SCOC: variants seen among roughly 807,000 people sequenced by gnomAD.
SCOC encodes short coiled coil protein.
Under a neutral mutation model 9.9 loss-of-function variants are expected in SCOC, and 7 were observed. That is an observed-to-expected ratio of 0.71 (90% CI 0.40 to 1.33). The LOEUF (loss-of-function observed/expected upper bound fraction) is 1.33. Ranked by LOEUF, SCOC falls within the 40% of genes most tolerant of loss-of-function variation. The pLI is 0.01. For missense variants in SCOC, 66 were observed against 89.7 expected, an observed-to-expected ratio of 0.74 and a Z score of 1.07; for synonymous variants, 19 against 28.2, an observed-to-expected ratio of 0.67 and a Z score of 1.03.
chr4:140,366,708 A>T, intron 2 of SCOC: 1 of 1,586,790 alleles, frequency 6.3e-7, no homozygotes, highest in Non-Finnish European at 8.6e-7. Flanking sequence ...TGCACTTGAA[A>T]GGCATGGTCT....
At chr4:140,364,287 T>C (rs1342859813) in intron 2 of SCOC, among the ~76,000 whole-genome samples, 1 of 152,130 alleles carries the variant, frequency 6.6e-6, no homozygotes, top group African/African-American at 2.4e-5. Context: ...AATTTAATGC[T>C]GGCAAAGGAT....
intron 2 of SCOC, among the ~76,000 whole-genome samples, chr4:140,362,076 C>T (rs547393165): frequency 8.1e-6 from 1 of 122,744 alleles, no homozygotes; most frequent in Admixed American, 8.1e-5. Context: ...ACAGACACAG[C>T]CCCTATCCCT....
chr4:140,266,721 C>T (rs1730734398), intron 1 of SCOC, among the ~76,000 whole-genome samples: 1 of 152,080 alleles, frequency 6.6e-6, no homozygotes, highest in Admixed American at 6.5e-5. Flanking sequence ...TTAAGTCTTT[C>T]AAAATTTAAT....
intron 1 of SCOC, among the ~76,000 whole-genome samples, chr4:140,262,344 T>A (rs1730650376): frequency 6.6e-6 from 1 of 152,234 alleles, no homozygotes; most frequent in Non-Finnish European, 1.5e-5. Flanking sequence ...ACATTGTGGA[T>A]TCTGATTGTG....
intron 1 of SCOC, among the ~76,000 whole-genome samples, chr4:140,292,023 T>G (rs1731488841): frequency 6.6e-6 from 1 of 152,038 alleles, no homozygotes; most frequent in African/African-American, 2.4e-5. Context: ...TGAATGATGA[T>G]GACTGTTTAT....
chr4:140,265,088 G>A (rs1370950393), intron 1 of SCOC, among the ~76,000 whole-genome samples: 1 of 152,092 alleles, frequency 6.6e-6, no homozygotes, highest in African/African-American at 2.4e-5. Context: ...ATCAGTTAGG[G>A]CATTGTGTTG....
At chr4:140,266,705 G>C (rs1327448420) in intron 1 of SCOC, among the ~76,000 whole-genome samples, 1 of 152,056 alleles carries the variant, frequency 6.6e-6, no homozygotes, top group African/African-American at 2.4e-5. Context: ...ACAAAATAAA[G>C]AGCCATTAAG....
At chr4:140,341,010 C>G (rs181271437), upstream of SCOC, among the ~76,000 whole-genome samples, 2,515 of 151,636 alleles carry the variant, frequency 0.017, 57 homozygotes, top group Admixed American at 0.076. Flanking sequence ...GCTGGCCAGG[C>G]TGGTCTCGAA....
chr4:140,281,210 GT>G (rs796630253), intron 1 of SCOC, among the ~76,000 whole-genome samples: 2 of 151,394 alleles, frequency 1.3e-5, no homozygotes, highest in Admixed American at 1.3e-4. Context: ...ACTCACCTAG[GT>G]TTTTTCCCCC....
upstream of SCOC, chr4:140,369,360 GA>G (rs969150631): frequency 1.9e-5 from 7 of 368,116 alleles, no homozygotes; most frequent in Non-Finnish European, 2.2e-5. Context: ...CCTTTCAAGT[GA>G]AAAAAATGAG....
intron 1 of SCOC, among the ~76,000 whole-genome samples, chr4:140,315,086 G>C (rs970603088): frequency 6.6e-6 from 1 of 152,072 alleles, no homozygotes; most frequent in African/African-American, 2.4e-5. Flanking sequence ...TAAAGAACTT[G>C]GTTTTTTGAT....
At chr4:140,300,520 T>C (rs73855730) in intron 1 of SCOC, among the ~76,000 whole-genome samples, 1,869 of 152,320 alleles carry the variant, frequency 0.012, 35 homozygotes, top group African/African-American at 0.042. Flanking sequence ...TCACTGGAAG[T>C]TGGCAGATTC....
intron 1 of SCOC, among the ~76,000 whole-genome samples, chr4:140,268,067 T>A (rs1730769367): frequency 6.6e-6 from 1 of 152,186 alleles, no homozygotes; most frequent in African/African-American, 2.4e-5. Context: ...TAAGCTGTTA[T>A]CTTAAGGGAG....
At chr4:140,266,950 C>T (rs1730739821) in intron 1 of SCOC, among the ~76,000 whole-genome samples, 1 of 152,212 alleles carries the variant, frequency 6.6e-6, no homozygotes, top group Non-Finnish European at 1.5e-5. Context: ...CAATCTCTCT[C>T]ACCCTACAAG....
chr4:140,259,747 A>T (rs983786940), intron 1 of SCOC, among the ~76,000 whole-genome samples: 2 of 152,122 alleles, frequency 1.3e-5, no homozygotes, highest in African/African-American at 4.8e-5. Flanking sequence ...TTTTCTCAAA[A>T]CTTACTTACC....
intron 2 of SCOC, among the ~76,000 whole-genome samples, chr4:140,350,755 T>G (rs1726941520): frequency 6.6e-6 from 1 of 152,118 alleles, no homozygotes; most frequent in Non-Finnish European, 1.5e-5. Context: ...ATCATAAGAG[T>G]AAGTCTCAGA....
At chr4:140,305,548 A>G (rs897575031) in intron 1 of SCOC, among the ~76,000 whole-genome samples, 5 of 152,264 alleles carry the variant, frequency 3.3e-5, no homozygotes, top group African/African-American at 1.2e-4. Flanking sequence ...GAACAAAATA[A>G]TGCAGGAGGA....
At chr4:140,267,693 C>T (rs558723916) in intron 1 of SCOC, among the ~76,000 whole-genome samples, 1 of 152,214 alleles carries the variant, frequency 6.6e-6, no homozygotes, top group South Asian at 2.1e-4. Context: ...CGTGGAGACT[C>T]CGCGAGGCAC....
intron 1 of SCOC, among the ~76,000 whole-genome samples, chr4:140,259,091 G>C (rs2126383467): frequency 6.6e-6 from 1 of 152,322 alleles, no homozygotes; most frequent in South Asian, 2.1e-4. Context: ...GGTTATTACT[G>C]AAGCTAATAT....
Sources: gnomAD v4.1 joint callset for allele counts (sites outside exome capture counted in the v4.1 genomes callset) on GRCh38, gnomAD v4.1.1 for gene constraint, MANE v1.5 for transcripts, NCBI Gene and HGNC (gene_info 2026-07-23, HGNC 2026-07-21) for gene names.